Variants in TAB2 observed in about 807,000 individuals in gnomAD.
TAB2 encodes TGF-beta-activated kinase 1 and MAP3K7-binding protein 2.
In TAB2, 3 loss-of-function variants were observed where a neutral mutation model predicts 65.0. The observed-to-expected ratio is 0.05, with a 90% confidence interval of 0.02 to 0.12. TAB2 has a LOEUF of 0.12. Among genes scored for constraint, TAB2 ranks in the 10% least tolerant of loss-of-function variants. TAB2 has a pLI of 1.00. For synonymous variants in TAB2, 298 were observed against 285.1 expected (o/e 1.05, Z -0.46); for missense variants, 623 against 840.3 (o/e 0.74, Z 3.20).
Position 149,354,727 on chromosome 6 carries a change from T to C in TAB2, c.-89-15182T>C, listed in dbSNP as rs73613071. The stretch of plus-strand genomic sequence containing the variant: ...ATACAGAACACTGTTCTGCACTTAG[T>C]GGTGGTAGTTTTTTAACTGAGTATT... On this transcript the variant is annotated intron_variant, in intron 1 of 6. Coordinates refer to ENST00000637181, the MANE Select transcript of TAB2 (RefSeq NM_001292034.3). Among the ~76,000 whole-genome samples the C allele has an allele frequency of 5.0e-3, 765 of 152,248 alleles. 6 individuals carry two copies. Among genetic ancestry groups the C allele is most frequent in the African/African-American group, 0.018 (744 of 41,546 alleles).
intron 6 of TAB2, among the ~76,000 whole-genome samples, chr6:149,405,602 A>G (rs1782636545): frequency 6.6e-6 from 1 of 152,250 alleles, no homozygotes. Flanking sequence ...TTGTGATAAC[A>G]TGGGTGAACC....
chr6:149,398,208 T>A, intron 5 of TAB2, 146 bp downstream of exon 5: 1 of 710,380 alleles, frequency 1.4e-6, no homozygotes, highest in Non-Finnish European at 2.4e-6. Flanking sequence ...AGAATATATT[T>A]AAAAAGTCAC....
At chr6:149,335,272 A>G (rs1779898386) in intron 1 of TAB2, among the ~76,000 whole-genome samples, 1 of 151,610 alleles carries the variant, frequency 6.6e-6, no homozygotes, top group African/African-American at 2.4e-5. Context: ...CCTCACCTCC[A>G]GGAAATTGGT....
chr6:149,334,302 A>G lies in TAB2; in HGVS notation c.-90+16287A>G, dbSNP rs149161226. ...GAAACTCACTACAGCGTATCTCTAC[A>G]AAATCTCTTGCCTTTCTTAGGGAGG... On this transcript the variant is annotated intron_variant, in intron 1 of 6. Transcript: ENST00000637181. Among the ~76,000 whole-genome samples, 731 of 152,194 alleles carry G rather than the reference A, an allele frequency of 4.8e-3. 7 individuals are homozygous for G. Among genetic ancestry groups the G allele is most frequent in the African/African-American group, 0.017 (707 of 41,494 alleles).
intron 1 of TAB2, among the ~76,000 whole-genome samples, chr6:149,289,125 C>T (rs1362782442): frequency 1.3e-5 from 2 of 152,072 alleles, no homozygotes; most frequent in Non-Finnish European, 2.9e-5. Flanking sequence ...TCCCAAAGTC[C>T]TGAGATTACA....
intron 1 of TAB2, among the ~76,000 whole-genome samples, chr6:149,232,613 T>C (rs1338939608): frequency 6.6e-6 from 1 of 152,118 alleles, no homozygotes; most frequent in African/African-American, 2.4e-5. Context: ...GGAATACCAC[T>C]AAGGGAGGCT....
At chr6:149,358,894 G>A (rs1278678639) in intron 1 of TAB2, among the ~76,000 whole-genome samples, 1 of 151,558 alleles carries the variant, frequency 6.6e-6, no homozygotes, top group African/African-American at 2.4e-5. Flanking sequence ...ACCTTTCTCT[G>A]TAGTCTCAAG....
chr6:149,370,142 T>C, intron 2 of TAB2, 43 bp downstream of exon 2: 1 of 1,522,508 alleles, frequency 6.6e-7, no homozygotes, highest in African/African-American at 1.4e-5. Flanking sequence ...ACAAACCTGG[T>C]ATTTTTTTAA....
At chr6:149,312,574 G>A (rs571108636) in intron 1 of TAB2, among the ~76,000 whole-genome samples, 52 of 152,312 alleles carry the variant, frequency 3.4e-4, no homozygotes, top group African/African-American at 8.9e-4. Context: ...TGTTGGCCAG[G>A]CTGGCCTCTA....
At chr6:149,286,475 T>G (rs1778678151) in intron 1 of TAB2, among the ~76,000 whole-genome samples, 1 of 152,240 alleles carries the variant, frequency 6.6e-6, no homozygotes, top group African/African-American at 2.4e-5. Context: ...CCATCATCTT[T>G]TGAAGCACTT....
chr6:149,263,342 A>G (rs1322671764), intron 1 of TAB2, among the ~76,000 whole-genome samples: 2 of 152,226 alleles, frequency 1.3e-5, no homozygotes, highest in African/African-American at 2.4e-5. Flanking sequence ...GTAGTTATCT[A>G]TATCGAAACA....
At chr6:149,269,476 T>A (rs1778321979) in intron 1 of TAB2, among the ~76,000 whole-genome samples, 1 of 152,192 alleles carries the variant, frequency 6.6e-6, no homozygotes, top group East Asian at 1.9e-4. Context: ...CCCTTTTTAT[T>A]GTGCAGTTCT....
At chr6:149,362,928 T>G (rs899753552) in intron 1 of TAB2, among the ~76,000 whole-genome samples, 1 of 152,196 alleles carries the variant, frequency 6.6e-6, no homozygotes, top group African/African-American at 2.4e-5. Flanking sequence ...TTTTCCCTAG[T>G]GTTAGAATTG....
chr6:149,246,367 AG>A (rs925909379), intron 1 of TAB2: 1 of 152,268 alleles, frequency 6.6e-6, no homozygotes, highest in Non-Finnish European at 1.5e-5. Context: ...TTTCCCTAGA[AG>A]ACTGCATGAA....
At chr6:149,361,113 G>T (rs541668568) in intron 1 of TAB2, among the ~76,000 whole-genome samples, 7 of 152,166 alleles carry the variant, frequency 4.6e-5, no homozygotes, top group Admixed American at 3.3e-4. Context: ...TCTGGAGGAC[G>T]GGGGTCCCTT....
At chr6:149,277,765 C>T (rs903978900) in intron 1 of TAB2, among the ~76,000 whole-genome samples, 9 of 152,176 alleles carry the variant, frequency 5.9e-5, no homozygotes, top group Non-Finnish European at 1.0e-4. Flanking sequence ...CATAAATGTA[C>T]TACCATATAG....
rs548377607 is a variant in TAB2, at chr6:149,311,066, G to T, written c.-120-66952G>T. Among the ~76,000 whole-genome samples the T allele has an allele frequency of 5.3e-5, 8 of 152,146 alleles. No homozygotes were observed. In the East Asian group the frequency reaches 1.5e-3, roughly 29 times the overall value. On this transcript the variant is annotated intron_variant, in intron 1 of 1. Coordinates refer to the TAB2 transcript ENST00000606202. ...CTGAATTGAGGGTAGATCAAGCATA[G>T]ATCTAATTATGATCTAATTACGTTC...
At chr6:149,370,141 G>A (rs769689634) in intron 2 of TAB2, 42 bp downstream of exon 2, 2 of 1,529,108 alleles carry the variant, frequency 1.3e-6, no homozygotes, top group South Asian at 2.2e-5. Context: ...TACAAACCTG[G>A]TATTTTTTTA....
chr6:149,313,775 G>C (rs1324375425), upstream of TAB2, among the ~76,000 whole-genome samples: 1 of 152,198 alleles, frequency 6.6e-6, no homozygotes, highest in Non-Finnish European at 1.5e-5. Flanking sequence ...ACCAGGGACT[G>C]ATTCAGGAAT....
Sources: gnomAD v4.1 joint callset for allele counts (sites outside exome capture counted in the v4.1 genomes callset) on GRCh38, gnomAD v4.1.1 for gene constraint, MANE v1.5 for transcripts, NCBI Gene and HGNC (gene_info 2026-07-23, HGNC 2026-07-21) for gene names.